Variants in PLCE1 observed in about 807,000 individuals in gnomAD.
PLCE1 encodes 1-phosphatidylinositol 4,5-bisphosphate phosphodiesterase epsilon-1.
PLCE1 carries 119 observed loss-of-function variants against 242.8 expected under a neutral mutation model. The ratio of observed to expected loss-of-function variants is 0.49; its 90% CI spans 0.42 to 0.57. The LOEUF (loss-of-function observed/expected upper bound fraction) is 0.57. Ranked by LOEUF, PLCE1 falls within the 20% of genes least tolerant of loss-of-function variation. The pLI is 0.00. For synonymous variants in PLCE1, 945 were observed against 1,017.4 expected (o/e 0.93, Z 1.35); for missense variants, 2,441 against 2,788.8 (o/e 0.88, Z 2.81).
At chr10:94,211,526 C>T (rs1455109089) in intron 4 of PLCE1, among the ~76,000 whole-genome samples, 1 of 152,200 alleles carries the variant, frequency 6.6e-6, no homozygotes. Flanking sequence ...ATTCTACAGT[C>T]CATTGATTTA....
At chr10:94,183,078 G>A (rs775046735) in intron 4 of PLCE1, among the ~76,000 whole-genome samples, 2 of 152,196 alleles carry the variant, frequency 1.3e-5, no homozygotes, top group African/African-American at 4.8e-5. Context: ...TTTGGTCAGA[G>A]ATTAGGATTT....
rs577386239 is a variant in PLCE1, at chr10:94,165,555, C to T, written c.1493-5625C>T. Among the ~76,000 whole-genome samples the T allele has an allele frequency of 3.9e-5, 6 of 152,190 alleles. No individual in the cohort carries two copies. In the South Asian group the frequency reaches 1.2e-3, roughly 32 times the overall value. ...TGTTCCTATTCGGCTGTCTTGGCTC[C>T]ACCCCCCTCTAATTTTAGCTTTAAG... On this transcript the variant is annotated intron_variant, in intron 3 of 32. Coordinates refer to ENST00000371380, the MANE Select transcript of PLCE1 (RefSeq NM_016341.4).
chr10:94,305,121 C>T (rs532212954), intron 25 of PLCE1, among the ~76,000 whole-genome samples: 1 of 152,238 alleles, frequency 6.6e-6, no homozygotes, highest in East Asian at 1.9e-4. Context: ...GTCAAAACTC[C>T]ACAGACTCCT....
chr10:94,063,424 T>C (rs2044115299), intron 2 of PLCE1, among the ~76,000 whole-genome samples: 1 of 152,070 alleles, frequency 6.6e-6, no homozygotes, highest in Non-Finnish European at 1.5e-5. Flanking sequence ...CCATCCTAGA[T>C]GGAATATTGA....
chr10:94,053,826 T>A (rs1446414032), intron 2 of PLCE1, among the ~76,000 whole-genome samples: 2 of 152,210 alleles, frequency 1.3e-5, no homozygotes, highest in Non-Finnish European at 2.9e-5. Flanking sequence ...AGTTGAAAAG[T>A]AGAACAGATT....
chr10:94,132,398 G>C lies in PLCE1; in HGVS notation c.1431G>C (p.Leu477Phe). The change falls in exon 3 of 33, where the codon TTG (leucine) becomes TTC (phenylalanine). Residue 477 changes from leucine to phenylalanine, a missense_variant. Physicochemically the swap from Leu to Phe is conservative, Grantham distance 22 (BLOSUM62 0). Transcript: ENST00000371380. Reference protein sequence around the residue: ...TGSLLEATTSLGARSGLLSTF... With the variant: ...TGSLLEATTSFGARSGLLSTF... ...CTCTCCTAGAAGCAACCACGTCTTT[G>C]GGAGCAAGAAGTGGCCTTCTCAGTA... 1 of 1,614,072 alleles carries C rather than the reference G, an allele frequency of 6.2e-7. No homozygotes were observed. The highest frequency in any genetic ancestry group is 8.5e-7 in the Non-Finnish European group (1 of 1,179,968).
chr10:94,225,865 C>T, intron 4 of PLCE1, among the ~76,000 whole-genome samples: 1 of 152,228 alleles, frequency 6.6e-6, no homozygotes, highest in Non-Finnish European at 1.5e-5. Context: ...ATGCCATTGA[C>T]CTTGAGCTCT....
intron 3 of PLCE1, among the ~76,000 whole-genome samples, chr10:94,137,592 G>A (rs2046823981): frequency 6.6e-6 from 1 of 152,144 alleles, no homozygotes; most frequent in African/African-American, 2.4e-5. Flanking sequence ...TCAAATTGTT[G>A]CTGAGTAAAG....
intron 14 of PLCE1, among the ~76,000 whole-genome samples, chr10:94,263,384 C>T (rs959406587): frequency 1.3e-5 from 2 of 151,616 alleles, no homozygotes; most frequent in Non-Finnish European, 1.5e-5. Context: ...TGTGGTGGTG[C>T]GTGCCTGTAA....
chr10:94,117,165 G>T (rs1269169511), intron 2 of PLCE1, among the ~76,000 whole-genome samples: 2 of 152,188 alleles, frequency 1.3e-5, no homozygotes, highest in Non-Finnish European at 2.9e-5. Context: ...GCAAGGTTGG[G>T]ACTCTTGTGG....
At chr10:94,087,017 TA>T (rs892250239) in intron 2 of PLCE1, among the ~76,000 whole-genome samples, 7 of 151,300 alleles carry the variant, frequency 4.6e-5, no homozygotes, top group East Asian at 3.9e-4. Context: ...AAATTCTGAT[TA>T]AAAAAAAATA....
chr10:94,002,379 T>A (rs1188639896), intron 1 of PLCE1, among the ~76,000 whole-genome samples: 2 of 152,154 alleles, frequency 1.3e-5, no homozygotes, highest in Non-Finnish European at 2.9e-5. Context: ...GCGTTCCTGT[T>A]GCAGGCATGC....
At chr10:94,299,920 G>A (rs1465006048) in intron 24 of PLCE1, among the ~76,000 whole-genome samples, 1 of 152,226 alleles carries the variant, frequency 6.6e-6, no homozygotes, top group Non-Finnish European at 1.5e-5. Context: ...CATTGATTGT[G>A]TTTGATAAGT....
chr10:94,281,016 C>T (rs2052190949), intron 20 of PLCE1, among the ~76,000 whole-genome samples: 1 of 152,156 alleles, frequency 6.6e-6, no homozygotes, highest in South Asian at 2.1e-4. Flanking sequence ...CACCTGAAAC[C>T]CCATGAGCTA....
At chr10:94,199,568 C>G (rs1222641513) in intron 4 of PLCE1, among the ~76,000 whole-genome samples, 1 of 152,164 alleles carries the variant, frequency 6.6e-6, no homozygotes, top group Non-Finnish European at 1.5e-5. Flanking sequence ...CCCACATGAG[C>G]TAGATGTTTC....
chr10:94,079,094 G>C (rs115773005), intron 2 of PLCE1, among the ~76,000 whole-genome samples: 72 of 152,152 alleles, frequency 4.7e-4, no homozygotes, highest in African/African-American at 1.7e-3. Flanking sequence ...TAATTAAATT[G>C]TAATTGGTAG....
chr10:94,086,217 A>G (rs1290753687), intron 2 of PLCE1, among the ~76,000 whole-genome samples: 3 of 152,148 alleles, frequency 2.0e-5, no homozygotes, highest in African/African-American at 4.8e-5. Context: ...CATTGCTCAA[A>G]ACATTTTTGG....
chr10:94,087,631 A>AG (rs1465849340), intron 2 of PLCE1, among the ~76,000 whole-genome samples: 2 of 151,806 alleles, frequency 1.3e-5, no homozygotes, highest in Non-Finnish European at 2.9e-5. Flanking sequence ...GTGGTGGGGG[A>AG]GGGGTCTTAC....
chr10:94,041,320 C>T (rs938875137), intron 2 of PLCE1, among the ~76,000 whole-genome samples: 2 of 152,164 alleles, frequency 1.3e-5, no homozygotes, highest in Non-Finnish European at 2.9e-5. Flanking sequence ...AGCTGTCCTC[C>T]GCCTGACCCT....
Sources: allele counts gnomAD v4.1 joint callset (sites outside exome capture counted in the v4.1 genomes callset), GRCh38; gene constraint gnomAD v4.1.1; transcripts MANE v1.5; gene names NCBI Gene and HGNC (gene_info 2026-07-23, HGNC 2026-07-21).